USH2A: variants seen among roughly 807,000 people sequenced by gnomAD.
The protein encoded by USH2A is Usher syndrome 2A (autosomal recessive, mild).
USH2A carries 443 observed loss-of-function variants against 538.9 expected under a neutral mutation model. The observed-to-expected ratio is 0.82, with a 90% CI of 0.76 to 0.89. The LOEUF (loss-of-function observed/expected upper bound fraction) is 0.89. Among genes scored for constraint, USH2A ranks in the 40% least tolerant of loss-of-function variants. The probability of loss-of-function intolerance (pLI) is 0.00; values close to 1 mark genes in which losing one functional copy is unlikely to be tolerated. For missense variants in USH2A, 6,633 were observed against 6,324.8 expected (o/e 1.05, Z -1.65); for synonymous variants, 2,413 against 2,273.5 (o/e 1.06, Z -1.75).
chr1:215,959,045 C>G (rs1040918364), intron 37 of USH2A, among the ~76,000 whole-genome samples: 3 of 152,064 alleles, frequency 2.0e-5, no homozygotes, highest in African/African-American at 7.2e-5. Context: ...CCCGGATCTC[C>G]TCCTTGGAGC....
intron 24 of USH2A, 167 bp from the exon 25 acceptor site, chr1:216,085,044 A>G: frequency 1.5e-6 from 1 of 655,282 alleles, no homozygotes; most frequent in South Asian, 1.9e-5. Flanking sequence ...GCTATAGTAA[A>G]TGATAGCAAT....
rs1366462651 is a variant in USH2A at position 215,675,386 on chromosome 1, C to CCAGCT, written c.12520_12524dup (p.Trp4175Ter). 6.2e-7 allele frequency: 1 copy of CCAGCT among 1,614,028 alleles called. No homozygotes were observed. The highest frequency in any genetic ancestry group is 8.5e-7 in the Non-Finnish European group (1 of 1,180,030). ...TTCCATTTGGGTTAACAGGCTCAGA[C>CCAGCT]CAGCTCAGCTCAACACTGGTGGACT... On this transcript the variant is annotated stop_gained and frameshift_variant, in exon 63 of 72. Coordinates refer to ENST00000307340, the MANE Select transcript of USH2A (RefSeq NM_206933.4). LOFTEE classifies it high-confidence loss of function.
intron 30 of USH2A, among the ~76,000 whole-genome samples, chr1:216,052,398 T>C (rs1333472611): frequency 3.3e-5 from 5 of 149,798 alleles, no homozygotes; most frequent in Non-Finnish European, 5.9e-5. Context: ...AGAAGAAAGC[T>C]GATGTTTTGG....
rs182741276 is a variant in USH2A at position 215,741,375 on chromosome 1, C to A, written c.11711G>T (p.Arg3904Ile). The A allele has an allele frequency of 6.2e-7, 1 of 1,613,230 alleles. No homozygotes were observed. Among genetic ancestry groups the A allele is most frequent in the South Asian group, 1.1e-5 (1 of 91,076 alleles). The change falls in exon 60 of 72, where the codon AGA becomes ATA. Residue 3904 changes from arginine to isoleucine, a missense_variant and splice_region_variant. Arg to Ile is a moderately conservative substitution (Grantham distance 97, BLOSUM62 -3). Coordinates refer to ENST00000307340, the MANE Select transcript of USH2A (RefSeq NM_206933.4). ...NGIIINYFIY[R>I]RPAGIEEESV... ...AAATAATAGTAACAGCCAATCTTAC[C>A]TGTAAATAAAGTAGTTGATGATGAT...
At chr1:216,149,651 C>G (rs1024760486) in intron 21 of USH2A, among the ~76,000 whole-genome samples, 4 of 152,106 alleles carry the variant, frequency 2.6e-5, no homozygotes, top group Admixed American at 1.3e-4. Context: ...GCCCTCTAGG[C>G]TACTATCTTC....
intron 13 of USH2A, among the ~76,000 whole-genome samples, chr1:216,238,039 T>C (rs2035864339): frequency 6.6e-6 from 1 of 152,220 alleles, no homozygotes; most frequent in East Asian, 1.9e-4. Flanking sequence ...CAGCATCTGA[T>C]TCCAATTCCA....
At chr1:215,727,854 T>TC (rs1659873508) in intron 61 of USH2A, among the ~76,000 whole-genome samples, 176 bp downstream of exon 61, 1 of 152,188 alleles carries the variant, frequency 6.6e-6, no homozygotes, top group South Asian at 2.1e-4. Flanking sequence ...TCTCCAATAC[T>TC]CCTCATACTC....
At position 216,078,193 on chromosome 1, in the gene USH2A, G is replaced by C; in HGVS notation, c.5468C>G (p.Ala1823Gly). 1.2e-6 allele frequency: 2 copies of C among 1,613,778 alleles called. No homozygotes were observed. Among genetic ancestry groups the C allele is most frequent in the Non-Finnish European group, 8.5e-7 (1 of 1,179,792 alleles). ...CAGTGGCTGGTCTCCGGACTCCGAT[G>C]CATGCTTCATCAGTCCATTCACACT... ...SASVNGLMKH[A>G]SESGDQPLVV... Residue 1823 changes from alanine (A) to glycine (G), a missense_variant, in exon 27 of 72, where the codon GCA (alanine) becomes GGA (glycine). Physicochemically the swap from Ala to Gly is moderately conservative, Grantham distance 60. Coordinates refer to ENST00000307340, the MANE Select transcript of USH2A (RefSeq NM_206933.4).
intron 38 of USH2A, among the ~76,000 whole-genome samples, chr1:215,911,481 T>G (rs1190872565): frequency 6.6e-6 from 1 of 152,014 alleles, no homozygotes; most frequent in African/African-American, 2.4e-5. Flanking sequence ...CCAGGCTTAT[T>G]TCATCTAATG....
intron 13 of USH2A, among the ~76,000 whole-genome samples, chr1:216,245,953 A>C (rs1003017648): frequency 6.6e-5 from 10 of 152,218 alleles, no homozygotes; most frequent in Admixed American, 5.2e-4. Flanking sequence ...TATCATAATG[A>C]ATTTATTGTA....
intron 66 of USH2A, 136 bp downstream of exon 66, chr1:215,648,392 A>G: frequency 1.1e-6 from 1 of 890,126 alleles, no homozygotes; most frequent in Non-Finnish European, 1.9e-6. Context: ...TATCTGTTCA[A>G]TAAGCAAGTC....
At chr1:216,248,810 A>G (rs944383925) in intron 12 of USH2A, among the ~76,000 whole-genome samples, 4 of 152,140 alleles carry the variant, frequency 2.6e-5, no homozygotes, top group African/African-American at 9.6e-5. Flanking sequence ...TATTCCTGAC[A>G]GGTAATCTAT....
chr1:215,961,143 G>A (rs1021944336), intron 37 of USH2A, among the ~76,000 whole-genome samples: 9 of 151,934 alleles, frequency 5.9e-5, no homozygotes, highest in Admixed American at 5.9e-4. Flanking sequence ...TTAGATGAAC[G>A]ATCATCTAAT....
chr1:216,317,811 C>A (rs1037280097), intron 9 of USH2A, among the ~76,000 whole-genome samples: 1 of 152,004 alleles, frequency 6.6e-6, no homozygotes, highest in African/African-American at 2.4e-5. Flanking sequence ...CAAGATCATG[C>A]CACTGCACTC....
At position 215,965,446 on chromosome 1, in the gene USH2A, CT is replaced by C. The variant is rs1667318047; in HGVS notation, c.6990del (p.Gly2331GlufsTer3). The C allele has an allele frequency of 6.2e-7, 1 of 1,613,676 alleles. No homozygotes were observed. The highest frequency in any genetic ancestry group is 8.5e-7 in the Non-Finnish European group (1 of 1,179,728). On this transcript the variant is annotated frameshift_variant, in exon 37 of 72. Transcript: ENST00000307340. LOFTEE classifies it high-confidence loss of function. ...VENRTLEAPP[E>X]GTVNVFVKTQ... ...GTTTTGACAAACACATTTACTGTTC[CT>C]TCAGGAGGAGCTTCTAGAGTTCGAT...
At chr1:216,172,404 A>G (rs796546581) in intron 21 of USH2A, among the ~76,000 whole-genome samples, 10 of 152,190 alleles carry the variant, frequency 6.6e-5, no homozygotes, top group African/African-American at 2.4e-4. Flanking sequence ...TTCAGAAGTC[A>G]TTTTAGTTGA....
At chr1:215,685,633 C>T (rs774611309) in intron 61 of USH2A, among the ~76,000 whole-genome samples, 3 of 152,102 alleles carry the variant, frequency 2.0e-5, no homozygotes, top group Non-Finnish European at 4.4e-5. Flanking sequence ...GCTGGGATTA[C>T]AGGCATGAGC....
chr1:215,992,282 C>G (rs752558929), intron 35 of USH2A, among the ~76,000 whole-genome samples: 1 of 152,088 alleles, frequency 6.6e-6, no homozygotes, highest in Non-Finnish European at 1.5e-5. Flanking sequence ...AAGTAAGCTT[C>G]CATCAGTGTG....
chr1:215,873,018 A>G (rs950772390), intron 43 of USH2A, among the ~76,000 whole-genome samples: 9 of 152,106 alleles, frequency 5.9e-5, no homozygotes, highest in African/African-American at 2.2e-4. Context: ...TTTATAAATT[A>G]TCCAGTCTCA....
Sources: gnomAD v4.1 joint callset for allele counts (sites outside exome capture counted in the v4.1 genomes callset) on GRCh38, gnomAD v4.1.1 for gene constraint, MANE v1.5 for transcripts, NCBI Gene and HGNC (gene_info 2026-07-23, HGNC 2026-07-21) for gene names.